The following TRAPPC9 variants were observed in gnomAD, a reference collection of about 807,000 sequenced individuals.
The protein encoded by TRAPPC9 is IKK2 binding protein.
Under a neutral mutation model 124.0 loss-of-function variants are expected in TRAPPC9, and 83 were observed. That is an observed-to-expected ratio of 0.67 (90% confidence interval 0.56 to 0.80). TRAPPC9 has a LOEUF of 0.80. Among genes scored for constraint, TRAPPC9 ranks in the 30% least tolerant of loss-of-function variants. TRAPPC9 has a pLI of 0.00. For synonymous variants in TRAPPC9, 638 were observed against 617.5 expected, an observed-to-expected ratio of 1.03 and a Z score of -0.49; for missense variants, 1,302 against 1,508.3, an observed-to-expected ratio of 0.86 and a Z score of 2.27.
intron 20 of TRAPPC9, among the ~76,000 whole-genome samples, chr8:139,897,626 C>A (rs895022525): frequency 6.6e-6 from 1 of 152,214 alleles, no homozygotes; most frequent in African/African-American, 2.4e-5. Context: ...CTCACAACAA[C>A]TTCAGGTTTA....
rs1403601108 is a variant in TRAPPC9 at position 139,988,714 on chromosome 8, T to G, written c.2810+12A>C. The G allele has an allele frequency of 6.5e-7, 1 of 1,539,898 alleles. No homozygotes were observed. Among genetic ancestry groups the G allele is most frequent in the South Asian group, 1.2e-5 (1 of 83,818 alleles). On this transcript the variant is annotated intron_variant, in intron 19 of 22. Transcript: ENST00000438773. Reference sequence around the variant, plus strand: ...TGGCCTGCGGCGGCGCGAGGGTCTATGGGACACTTACCGCTGGCACTCACC... The same window carrying G: ...TGGCCTGCGGCGGCGCGAGGGTCTAGGGGACACTTACCGCTGGCACTCACC...
chr8:139,875,416 C>T (rs1049690177), intron 21 of TRAPPC9, among the ~76,000 whole-genome samples: 3 of 152,220 alleles, frequency 2.0e-5, no homozygotes, highest in Non-Finnish European at 2.9e-5. Context: ...TGAACAGAGG[C>T]CTCTCCAAAT....
At chr8:140,312,077 C>T (rs75938380) in intron 9 of TRAPPC9, among the ~76,000 whole-genome samples, 2,337 of 152,290 alleles carry the variant, frequency 0.015, 65 homozygotes, top group African/African-American at 0.054. Flanking sequence ...CCCCACTTTG[C>T]AGATGAAAAA....
chr8:140,183,264 G>A (rs1045662009), intron 17 of TRAPPC9, among the ~76,000 whole-genome samples: 1 of 152,194 alleles, frequency 6.6e-6, no homozygotes, highest in Non-Finnish European at 1.5e-5. Flanking sequence ...ATGGTTGGTG[G>A]AAGACCTGTG....
chr8:140,024,160 G>C, intron 17 of TRAPPC9, 81 bp from the exon 18 acceptor site: 1 of 1,534,212 alleles, frequency 6.5e-7, no homozygotes. Context: ...AAGCGGCTTC[G>C]CTTAGGAAGA....
intron 19 of TRAPPC9, among the ~76,000 whole-genome samples, chr8:139,958,733 C>A (rs1328471144): frequency 6.6e-6 from 1 of 152,204 alleles, no homozygotes; most frequent in African/African-American, 2.4e-5. Flanking sequence ...AGACACGCCC[C>A]GAGGCAGGAC....
In TRAPPC9 at chr8:140,054,775, C is replaced by T. The variant is rs999949591; in HGVS notation, c.2557-30696G>A. Among the ~76,000 whole-genome samples the T allele has an allele frequency of 5.3e-5, 8 of 151,850 alleles. No individual in the cohort carries two copies. The East Asian group carries it at 1.5e-3, about 29-fold the overall frequency. ...AAGATGACTATGAACCATTACACAACAACAAATTGAATAACCTATGAGAAA... is the reference window on the plus strand; with the variant it reads ...AAGATGACTATGAACCATTACACAATAACAAATTGAATAACCTATGAGAAA... On this transcript the variant is annotated intron_variant, in intron 17 of 22. Transcript: ENST00000438773.
chr8:139,795,726 T>A (rs888188861), intron 21 of TRAPPC9, among the ~76,000 whole-genome samples: 10 of 151,892 alleles, frequency 6.6e-5, no homozygotes, highest in Non-Finnish European at 1.0e-4. Flanking sequence ...GGAAACAATC[T>A]GATGTCATGA....
At chr8:140,447,375 T>G (rs2132681211) in intron 2 of TRAPPC9, among the ~76,000 whole-genome samples, 1 of 152,250 alleles carries the variant, frequency 6.6e-6, no homozygotes, top group Non-Finnish European at 1.5e-5. Flanking sequence ...GTGAAGGCTA[T>G]GAGAAGGCAG....
Position 139,845,508 on chromosome 8 carries a change from C to T in TRAPPC9, c.3055+40371G>A, listed in dbSNP as rs553396603. Among the ~76,000 whole-genome samples the T allele has an allele frequency of 6.6e-5, 10 of 152,372 alleles. No homozygotes were observed. The East Asian group carries it at 1.9e-3, about 29-fold the overall frequency. ...TATTAATGGAGCCCGTACTTCCAGG[C>T]TTCCCTTGCAATTGGGTATGGCACT... On this transcript the variant is annotated intron_variant, in intron 21 of 22. Coordinates refer to ENST00000438773, the MANE Select transcript of TRAPPC9 (RefSeq NM_001160372.4).
intron 17 of TRAPPC9, among the ~76,000 whole-genome samples, chr8:140,189,710 G>T (rs1198726504): frequency 6.6e-6 from 1 of 151,628 alleles, no homozygotes; most frequent in Non-Finnish European, 1.5e-5. Context: ...TTTTTACAAG[G>T]ATCATTCATT....
chr8:140,371,829 G>C (rs2068290445), intron 7 of TRAPPC9, among the ~76,000 whole-genome samples: 1 of 152,034 alleles, frequency 6.6e-6, no homozygotes, highest in African/African-American at 2.4e-5. Flanking sequence ...TCATCCTCCA[G>C]TGTAGCTGAG....
At chr8:140,095,209 G>C (rs531071744) in intron 17 of TRAPPC9, 1 of 152,200 alleles carries the variant, frequency 6.6e-6, no homozygotes, top group Non-Finnish European at 1.5e-5. Flanking sequence ...CGCCATGGCC[G>C]GCAGTTCCTC....
intron 19 of TRAPPC9, among the ~76,000 whole-genome samples, chr8:139,975,510 A>G (rs1219729266): frequency 6.6e-6 from 1 of 152,224 alleles, no homozygotes. Context: ...CATTTATGCT[A>G]CAGGTGAAAA....
intron 9 of TRAPPC9, among the ~76,000 whole-genome samples, chr8:140,316,122 T>C (rs552269286): frequency 6.6e-6 from 1 of 152,236 alleles, no homozygotes; most frequent in Admixed American, 6.5e-5. Flanking sequence ...AAGTTTCTGA[T>C]AACTTTGGAG....
At position 140,053,667 on chromosome 8, in the gene TRAPPC9, TCTC is replaced by T. The variant is rs550515097; in HGVS notation, c.2557-29591_2557-29589del. On this transcript the variant is annotated intron_variant, in intron 17 of 22. Transcript: ENST00000438773. ...TCTTGAAAGTGGGGTATTGAAGTCT[TCTC>T]CTGTTACTGTGTTGCTGTCTTTTTC... is the stretch of plus-strand genomic sequence containing the variant. Among the ~76,000 whole-genome samples the T allele has an allele frequency of 2.4e-3, 358 of 152,340 alleles. 1 individual carries two copies. The highest frequency in any genetic ancestry group is 9.7e-3 in the South Asian group (47 of 4,828).
intron 1 of TRAPPC9, among the ~76,000 whole-genome samples, chr8:140,455,476 GCTGGAAAGCAGTGGCGCGATCT>G (rs2071622476): frequency 6.6e-6 from 1 of 151,032 alleles, no homozygotes; most frequent in Non-Finnish European, 1.5e-5. Flanking sequence ...CTGTCGCCAG[GCTGGAAAGCAGTGGCGCGATCT>G]CGGCTCACTG....
intron 6 of TRAPPC9, among the ~76,000 whole-genome samples, chr8:140,399,972 G>C (rs2069212790): frequency 6.6e-6 from 1 of 152,206 alleles, no homozygotes; most frequent in African/African-American, 2.4e-5. Context: ...TCTTGTGGTA[G>C]TGAATAAGTC....
chr8:140,045,042 C>G lies in TRAPPC9; in HGVS notation c.2557-20963G>C, dbSNP rs549402479. On this transcript the variant is annotated intron_variant, in intron 17 of 22. Coordinates refer to ENST00000438773, the MANE Select transcript of TRAPPC9 (RefSeq NM_001160372.4). ...TGCAGAATGAAGGCATAGAACTTTA[C>G]CTCCAAAACCAGAGCCAAGTCACCA... is the stretch of plus-strand genomic sequence containing the variant. Among the ~76,000 whole-genome samples, 9 of 152,328 alleles carry G rather than the reference C, an allele frequency of 5.9e-5. No homozygotes were observed. In the East Asian group the frequency reaches 1.7e-3, roughly 29 times the overall value.
Sources: gnomAD v4.1 joint callset for allele counts (sites outside exome capture counted in the v4.1 genomes callset) on GRCh38, gnomAD v4.1.1 for gene constraint, MANE v1.5 for transcripts, NCBI Gene and HGNC (gene_info 2026-07-23, HGNC 2026-07-21) for gene names.